The following KRIT1 variants were observed in gnomAD, a reference collection of about 807,000 sequenced individuals.
The protein encoded by KRIT1 is KRIT1 ankyrin repeat containing.
Under a neutral mutation model 95.8 loss-of-function variants are expected in KRIT1, and 45 were observed. The ratio of observed to expected loss-of-function variants is 0.47; its 90% CI spans 0.37 to 0.60. The LOEUF (loss-of-function observed/expected upper bound fraction) is 0.60. Ranked by LOEUF, KRIT1 falls within the 20% of genes least tolerant of loss-of-function variation. KRIT1 has a pLI of 0.00. For missense variants in KRIT1, 788 were observed against 877.5 expected (o/e 0.90, Z 1.29); for synonymous variants, 282 against 278.8 (o/e 1.01, Z -0.11).
rs769915628 is a variant in KRIT1, at chr7:92,226,689, A to G, written c.990-7T>C. ...GGCCTCAACTTTTCCATACCTGTATAAAAAAACAAACAAACAAAAAACAAC... is the reference window on the plus strand; with the variant it reads ...GGCCTCAACTTTTCCATACCTGTATGAAAAAACAAACAAACAAAAAACAAC... On this transcript the variant is annotated splice_polypyrimidine_tract_variant and splice_region_variant and intron_variant, in intron 10 of 18. Coordinates refer to ENST00000394505, the MANE Select transcript of KRIT1 (RefSeq NM_194454.3). The G allele has an allele frequency of 2.5e-6, 4 of 1,611,492 alleles. No homozygotes were observed. The African/African-American group carries it at 5.3e-5, about 22-fold the overall frequency.
intron 10 of KRIT1, among the ~76,000 whole-genome samples, chr7:92,227,245 G>T (rs1043852313): frequency 6.6e-6 from 1 of 152,138 alleles, no homozygotes; most frequent in Non-Finnish European, 1.5e-5. Flanking sequence ...TAAAATTTAA[G>T]TATGGTAATG....
chr7:92,201,415 G>A lies in KRIT1; in HGVS notation c.2034C>T (p.Leu678=). 6.7e-7 allele frequency: 1 copy of A among 1,487,780 alleles called. No homozygotes were observed. Among genetic ancestry groups the A allele is most frequent in the South Asian group, 1.1e-5 (1 of 88,538 alleles). 92.2% of individuals were successfully genotyped at this position (1,487,780 alleles called of 1,614,324 possible). A position where few individuals can be genotyped will look rare whatever the true frequency, so the allele number is the denominator to read the frequency against. Reference sequence around the variant, plus strand: ...TAAAACAACCATACTTAAGACTGATGAGTAAAGCCTGCAACATAATTGGAA... The same window carrying A: ...TAAAACAACCATACTTAAGACTGATAAGTAAAGCCTGCAACATAATTGGAA... ...HLLNMETKAL[L]ISLKYGCFMW... The change falls in exon 18 of 19, where the codon CTC becomes CTT. Residue 678 remains leucine (L), a synonymous_variant. Transcript: ENST00000394505.
intron 14 of KRIT1, among the ~76,000 whole-genome samples, chr7:92,219,244 C>T (rs922876941): frequency 2.0e-5 from 3 of 152,144 alleles, no homozygotes; most frequent in African/African-American, 7.2e-5. Context: ...TCAAGTGATC[C>T]ACCCGCCTCA....
chr7:92,206,501 G>A (rs913354565), intron 17 of KRIT1: 3 of 152,162 alleles, frequency 2.0e-5, no homozygotes, highest in African/African-American at 7.2e-5. Flanking sequence ...ATCACAGGGA[G>A]ACTATACTAC....
intron 14 of KRIT1, among the ~76,000 whole-genome samples, chr7:92,217,057 T>C (rs1584828670): frequency 6.6e-6 from 1 of 152,168 alleles, no homozygotes; most frequent in South Asian, 2.1e-4. Context: ...ACATTCTGGT[T>C]TACCATAAGA....
chr7:92,242,296 C>T, intron 3 of KRIT1, 159 bp from the exon 4 acceptor site: 5 of 607,338 alleles, frequency 8.2e-6, no homozygotes, highest in Non-Finnish European at 1.5e-5. Flanking sequence ...CTAGAATATA[C>T]AGTGCCTAAA....
chr7:92,210,444 T>A (rs1480054495), intron 17 of KRIT1, among the ~76,000 whole-genome samples: 1 of 152,132 alleles, frequency 6.6e-6, no homozygotes, highest in African/African-American at 2.4e-5. Flanking sequence ...AAAAACACCC[T>A]GTTCAATAAA....
chr7:92,225,169 G>A (rs779909351), intron 12 of KRIT1, among the ~76,000 whole-genome samples: 2 of 151,952 alleles, frequency 1.3e-5, no homozygotes, highest in Non-Finnish European at 2.9e-5. Context: ...AAAATTATGT[G>A]TAATCAACAC....
At chr7:92,213,604 T>C (rs967643551) in intron 16 of KRIT1, among the ~76,000 whole-genome samples, 2 of 152,134 alleles carry the variant, frequency 1.3e-5, no homozygotes, top group Admixed American at 1.3e-4. Context: ...ATACTGTCTA[T>C]GTTATTGGGT....
chr7:92,202,582 C>T (rs1371664785), intron 17 of KRIT1, among the ~76,000 whole-genome samples: 1 of 151,886 alleles, frequency 6.6e-6, no homozygotes, highest in African/African-American at 2.4e-5. Flanking sequence ...TAATATTGAC[C>T]ACAAATACTA....
At chr7:92,234,733 T>C (rs1798035844) in intron 9 of KRIT1, 75 bp downstream of exon 9, 21 of 1,141,138 alleles carry the variant, frequency 1.8e-5, no homozygotes, top group East Asian at 1.2e-4. Context: ...AAATTGCATA[T>C]ATAATTTTAA....
chr7:92,212,158 G>T (rs1444542622), intron 17 of KRIT1, among the ~76,000 whole-genome samples: 1 of 152,010 alleles, frequency 6.6e-6, no homozygotes, highest in Admixed American at 6.6e-5. Context: ...CAAAAAACAA[G>T]AAAGAAGCTC....
chr7:92,233,952 G>A (rs539781654), intron 10 of KRIT1, among the ~76,000 whole-genome samples: 2 of 152,282 alleles, frequency 1.3e-5, no homozygotes, highest in South Asian at 2.1e-4. Context: ...CCCAACACTA[G>A]TATCTAACAT....
At chr7:92,216,888 T>C (rs1453462888) in intron 14 of KRIT1, among the ~76,000 whole-genome samples, 3 of 152,308 alleles carry the variant, frequency 2.0e-5, no homozygotes, top group African/African-American at 4.8e-5. Flanking sequence ...CAATGAGTTT[T>C]AGTCACCATT....
At chr7:92,242,270 T>A (rs1017315237) in intron 3 of KRIT1, 133 bp from the exon 4 acceptor site, 24 of 656,902 alleles carry the variant, frequency 3.7e-5, no homozygotes, top group South Asian at 3.5e-5. Context: ...TAAAAAAAAA[T>A]AAAATGTTCT....
At chr7:92,233,246 A>G (rs1797704973) in intron 10 of KRIT1, among the ~76,000 whole-genome samples, 1 of 152,070 alleles carries the variant, frequency 6.6e-6, no homozygotes, top group South Asian at 2.1e-4. Flanking sequence ...AAAATCAGAT[A>G]AATCAAAAGA....
intron 14 of KRIT1, among the ~76,000 whole-genome samples, chr7:92,215,039 T>C (rs945687325): frequency 3.2e-4 from 49 of 152,132 alleles, no homozygotes; most frequent in African/African-American, 1.2e-3. Flanking sequence ...CAAATGGGTA[T>C]GGCAGTGTTC....
chr7:92,218,536 G>C (rs1188444667), intron 14 of KRIT1, among the ~76,000 whole-genome samples: 4 of 151,796 alleles, frequency 2.6e-5, no homozygotes, highest in Non-Finnish European at 5.9e-5. Context: ...GTGCCACCAT[G>C]CCTGGCTAAT....
At position 92,245,877 on chromosome 7, in the gene KRIT1, A is replaced by G. The variant is rs1800888141; in HGVS notation, c.-508T>C. On this transcript the variant is annotated 5_prime_UTR_variant, in exon 1 of 19. Coordinates refer to ENST00000394505, the MANE Select transcript of KRIT1 (RefSeq NM_194454.3). ...GAAACTACGGGGTCCCAGGTCTTCA[A>G]AGGCCTTAGCTTTCCACCCCGCCGT... 1 of 221,858 alleles carries G rather than the reference A, an allele frequency of 4.5e-6. No homozygotes were observed. The highest frequency in any genetic ancestry group is 2.4e-5 in the African/African-American group (1 of 41,718). 13.7% of individuals were successfully genotyped at this position (221,858 alleles called of 1,614,324 possible).
Sources: gnomAD v4.1 joint callset for allele counts (sites outside exome capture counted in the v4.1 genomes callset) on GRCh38, gnomAD v4.1.1 for gene constraint, MANE v1.5 for transcripts, NCBI Gene and HGNC (gene_info 2026-07-23, HGNC 2026-07-21) for gene names.